Variants in SRGAP3 observed in about 807,000 individuals in gnomAD.
The protein encoded by SRGAP3 is SLIT-ROBO Rho GTPase-activating protein 3.
In SRGAP3, 39 loss-of-function variants were observed where a neutral mutation model predicts 121.1. That is an observed-to-expected ratio of 0.32 (90% CI 0.25 to 0.42). The LOEUF (loss-of-function observed/expected upper bound fraction) is 0.42, where lower values mean the gene tolerates loss of function less well. SRGAP3 is among the 10% of genes least tolerant of loss of function. The pLI is 1.00. For synonymous variants in SRGAP3, 601 were observed against 570.0 expected (o/e 1.05, Z -0.77); for missense variants, 1,213 against 1,470.6 (o/e 0.82, Z 2.86).
At position 9,360,507 on chromosome 3, in the gene SRGAP3, G is replaced by A. The variant is rs548961832; in HGVS notation, n.214+2333C>T. Reference sequence around the variant, plus strand: ...AAGGCTAAATTGTTTTCCAATGGACGTGTATTAGTCCATTTTCACACTGCT... The same window carrying A: ...AAGGCTAAATTGTTTTCCAATGGACATGTATTAGTCCATTTTCACACTGCT... On this transcript the variant is annotated intron_variant and non_coding_transcript_variant, in intron 1 of 3. Coordinates refer to the SRGAP3 transcript ENST00000490889. Among the ~76,000 whole-genome samples the A allele has an allele frequency of 7.2e-5, 11 of 152,274 alleles. No homozygotes were observed. The South Asian group carries it at 8.3e-4, about 11-fold the overall frequency.
rs925778492 is a variant in SRGAP3, at chr3:9,341,396, A to G, written n.215-10800T>C. Among the ~76,000 whole-genome samples, 14 of 152,196 alleles carry G rather than the reference A, an allele frequency of 9.2e-5. No individual in the cohort carries two copies. The South Asian group carries it at 1.2e-3, about 13-fold the overall frequency. On this transcript the variant is annotated intron_variant and non_coding_transcript_variant, in intron 1 of 3. Transcript: ENST00000490889. ...AAAGAGATGCTTAAAGCACGAAGAAAAGAATGTGTCCCTAGGGCTCAAGAG... is the reference window on the plus strand; with the variant it reads ...AAAGAGATGCTTAAAGCACGAAGAAGAGAATGTGTCCCTAGGGCTCAAGAG...
Position 9,218,217 on chromosome 3 carries a change from AG to A in SRGAP3, c.67+30667del, listed in dbSNP as rs1952696897. 1 of 152,212 alleles carries A rather than the reference AG, an allele frequency of 6.6e-6. No homozygotes were observed. The highest frequency in any genetic ancestry group is 2.4e-5 in the African/African-American group (1 of 41,452). 9.4% of individuals were successfully genotyped at this position (152,212 alleles called of 1,614,324 possible). On this transcript the variant is annotated intron_variant, in intron 1 of 21. Coordinates refer to ENST00000383836, the MANE Select transcript of SRGAP3 (RefSeq NM_014850.4). This position sits in a 1 kb window ranked among gnomAD's most constrained non-coding sequence, Gnocchi z 5.3. ...ATATTGCAGGAAACAATGCTCTAGGAGAGACCACAGCTGGGCCAGCCAGATT... is the reference window on the plus strand; with the variant it reads ...ATATTGCAGGAAACAATGCTCTAGGAAGACCACAGCTGGGCCAGCCAGATT...
At chr3:9,153,962 G>T (rs1490393423) in intron 1 of SRGAP3, among the ~76,000 whole-genome samples, 1 of 152,048 alleles carries the variant, frequency 6.6e-6, no homozygotes, top group Non-Finnish European at 1.5e-5. Context: ...TCACGATCCA[G>T]CTTCCCCCCA....
At chr3:9,314,726 T>C (rs755829039) in intron 3 of SRGAP3, among the ~76,000 whole-genome samples, 1 of 151,156 alleles carries the variant, frequency 6.6e-6, no homozygotes, top group Non-Finnish European at 1.5e-5. Flanking sequence ...CCAAGTCCAG[T>C]CCTGCTCTCA....
intron 1 of SRGAP3, among the ~76,000 whole-genome samples, chr3:9,134,370 G>A (rs572467864): frequency 2.1e-4 from 32 of 152,224 alleles, no homozygotes; most frequent in Middle Eastern, 3.4e-3. Flanking sequence ...CTGCTCCACA[G>A]GGGCAGCTGG....
chr3:9,356,054 T>C (rs2030481573), intron 1 of SRGAP3, among the ~76,000 whole-genome samples: 1 of 152,186 alleles, frequency 6.6e-6, no homozygotes, highest in African/African-American at 2.4e-5. Context: ...TTCTCAACAC[T>C]GTTCCAATGG....
intron 1 of SRGAP3, among the ~76,000 whole-genome samples, chr3:9,207,650 A>G (rs1032312660): frequency 1.3e-5 from 2 of 152,216 alleles, no homozygotes; most frequent in Non-Finnish European, 2.9e-5. Flanking sequence ...AGGCCTCAGC[A>G]GACTCCACGG....
intron 3 of SRGAP3, among the ~76,000 whole-genome samples, chr3:9,257,164 AT>A (rs1266804337): frequency 6.6e-6 from 1 of 152,192 alleles, no homozygotes; most frequent in Non-Finnish European, 1.5e-5. Context: ...ATTCTAAAGC[AT>A]GGGGTATGCA....
chr3:9,326,185 T>C (rs796705668), intron 2 of SRGAP3: 1 of 151,952 alleles, frequency 6.6e-6, no homozygotes, highest in African/African-American at 2.4e-5. Flanking sequence ...TGTAAAGGGA[T>C]TGTTATCAGT....
chr3:9,009,425 C>A (rs1325767851), intron 18 of SRGAP3, among the ~76,000 whole-genome samples: 1 of 152,140 alleles, frequency 6.6e-6, no homozygotes, highest in Non-Finnish European at 1.5e-5. Flanking sequence ...CTGCATGGGT[C>A]CCTTCCTCCA....
At chr3:9,214,117 A>AACAC (rs34152705) in intron 1 of SRGAP3, among the ~76,000 whole-genome samples, 137 of 133,892 alleles carry the variant, frequency 1.0e-3, no homozygotes, top group Admixed American at 4.1e-3. Flanking sequence ...ACCCACCTCC[A>AACAC]ACACACACAC....
chr3:9,187,826 T>C (rs1409535415), intron 1 of SRGAP3, among the ~76,000 whole-genome samples: 2 of 152,228 alleles, frequency 1.3e-5, no homozygotes, highest in East Asian at 1.9e-4. Flanking sequence ...CGACGTGACT[T>C]ATACCCGTCA....
intron 21 of SRGAP3, among the ~76,000 whole-genome samples, chr3:8,989,514 G>A (rs1049736143): frequency 2.0e-5 from 3 of 152,138 alleles, no homozygotes; most frequent in Non-Finnish European, 4.4e-5. Context: ...TTTGAACAGC[G>A]ATTCAAAGGC....
intron 4 of SRGAP3, among the ~76,000 whole-genome samples, chr3:9,067,148 C>T (rs1946469758): frequency 6.6e-6 from 1 of 152,186 alleles, no homozygotes; most frequent in Non-Finnish European, 1.5e-5. Flanking sequence ...CCACCACCAC[C>T]ACCATCATCA....
intron 6 of SRGAP3, chr3:9,058,754 C>T (rs1945971792): frequency 2.6e-6 from 1 of 381,480 alleles, no homozygotes; most frequent in African/African-American, 2.6e-5. Flanking sequence ...GAGTCTAGCT[C>T]TGTCACTTAG....
intron 1 of SRGAP3, among the ~76,000 whole-genome samples, chr3:9,354,373 G>C (rs946830917): frequency 6.6e-6 from 1 of 152,116 alleles, no homozygotes; most frequent in Non-Finnish European, 1.5e-5. Flanking sequence ...CCAGGACCTT[G>C]TTTTACTTTA....
chr3:9,217,098 C>T (rs1952661890), intron 1 of SRGAP3: 1 of 152,036 alleles, frequency 6.6e-6, no homozygotes, highest in Non-Finnish European at 1.5e-5. Context: ...GACGGTTGCA[C>T]AACATTATCA....
At chr3:9,160,210 C>T (rs1373030769) in intron 1 of SRGAP3, among the ~76,000 whole-genome samples, 1 of 152,156 alleles carries the variant, frequency 6.6e-6, no homozygotes, top group African/African-American at 2.4e-5. Context: ...ATAATACTAC[C>T]ATAAATTCTT....
intron 3 of SRGAP3, among the ~76,000 whole-genome samples, chr3:9,323,747 G>T (rs1263264161): frequency 6.7e-6 from 1 of 150,188 alleles, no homozygotes; most frequent in East Asian, 1.9e-4. Context: ...TAAATTTTAT[G>T]AATAATGTAT....
Sources: gnomAD v4.1 joint callset for allele counts (sites outside exome capture counted in the v4.1 genomes callset) on GRCh38, gnomAD v4.1.1 for gene constraint, Gnocchi (gnomAD v3.1) non-coding constraint, MANE v1.5 for transcripts, NCBI Gene and HGNC (gene_info 2026-07-23, HGNC 2026-07-21) for gene names.